ANKAR: variants seen among roughly 807,000 people sequenced by gnomAD.
The protein encoded by ANKAR is ankyrin and armadillo repeat-containing protein.
In ANKAR, 136 loss-of-function variants were observed where a neutral mutation model predicts 146.2. That is an observed-to-expected ratio of 0.93 (90% CI 0.81 to 1.07). ANKAR has a LOEUF of 1.07. Among genes scored for constraint, ANKAR ranks in the 50% least tolerant of loss-of-function variants. The pLI is 0.00. For missense variants in ANKAR, 1,567 were observed against 1,679.9 expected (o/e 0.93, Z 1.18); for synonymous variants, 500 against 575.8 (o/e 0.87, Z 1.88).
chr2:189,704,886 AT>A (rs952162997), intron 7 of ANKAR, 136 bp from the exon 8 acceptor site: 213 of 685,164 alleles, frequency 3.1e-4, no homozygotes, highest in South Asian at 7.0e-4. Flanking sequence ...GGTTGTCTAA[AT>A]TTTTTTTTAA....
chr2:189,677,093 T>G lies in ANKAR; in HGVS notation c.601+2T>G. ...TTTTTTCAGAGTTTAGTTCAGCAGG[T>G]AAGAGAATTTAACACTTCTTAAATT... On this transcript the variant is annotated splice_donor_variant, in intron 2 of 22. Transcript: ENST00000684021. LOFTEE classifies it high-confidence loss of function. 3 of 1,506,644 alleles carry G rather than the reference T, an allele frequency of 2.0e-6. No individual in the cohort carries two copies. Among genetic ancestry groups the G allele is most frequent in the Non-Finnish European group, 2.6e-6 (3 of 1,136,728 alleles). 93.3% of individuals were successfully genotyped at this position (1,506,644 alleles called of 1,614,324 possible).
chr2:189,695,220 G>A (rs1490840707), intron 6 of ANKAR, 59 bp downstream of exon 6: 5 of 1,375,126 alleles, frequency 3.6e-6, no homozygotes, highest in Admixed American at 2.2e-5. Flanking sequence ...TGATAAGTAT[G>A]TGTCTCAAAC....
chr2:189,721,230 C>T (rs1474374422), intron 12 of ANKAR, among the ~76,000 whole-genome samples: 1 of 152,118 alleles, frequency 6.6e-6, no homozygotes, highest in African/African-American at 2.4e-5. Context: ...TTGTGATCTA[C>T]CCGACTCAGC....
chr2:189,685,789 C>T (rs2035500112), intron 2 of ANKAR, among the ~76,000 whole-genome samples: 1 of 152,144 alleles, frequency 6.6e-6, no homozygotes, highest in Admixed American at 6.5e-5. Context: ...CTGTGGATAT[C>T]TTGGTTCAGC....
chr2:189,693,089 A>G lies in ANKAR; in HGVS notation c.1219A>G (p.Ile407Val). The G allele has an allele frequency of 6.6e-7, 1 of 1,523,148 alleles. No homozygotes were observed. Among genetic ancestry groups the G allele is most frequent in the East Asian group, 2.3e-5 (1 of 43,790 alleles). The allele number at this position is 1,523,148 out of a possible 1,614,324, so 94.4% of individuals were successfully genotyped here. A position where few individuals can be genotyped will look rare whatever the true frequency, so the allele number is the denominator to read the frequency against. ...LEDFQKNLEK[I>V]RDCAANTFIE... ...CATATTTTAGAAAAATTTAGAAAAAATACGAGATTGTGCTGCTAATACATT... is the reference window on the plus strand; with the variant it reads ...CATATTTTAGAAAAATTTAGAAAAAGTACGAGATTGTGCTGCTAATACATT... The change falls in exon 5 of 23, where the codon ATA (isoleucine) becomes GTA (valine). Residue 407 changes from isoleucine (I) to valine (V), a missense_variant. Coordinates refer to ENST00000684021, the MANE Select transcript of ANKAR (RefSeq NM_001378068.1).
intron 22 of ANKAR, 74 bp from the exon 23 acceptor site, chr2:189,746,306 C>G: frequency 7.0e-7 from 1 of 1,438,266 alleles, no homozygotes; most frequent in Non-Finnish European, 9.4e-7. Context: ...GAAAATAGAA[C>G]TACATAGAAG....
intron 7 of ANKAR, among the ~76,000 whole-genome samples, chr2:189,704,544 C>CACATATATATAT (rs2038573774): frequency 2.7e-5 from 1 of 36,456 alleles, no homozygotes; most frequent in East Asian, 8.7e-4. Flanking sequence ...CCTTTGTTAA[C>CACATATATATAT]ATATATATAT....
At chr2:189,699,640 C>T (rs561008920) in intron 7 of ANKAR, among the ~76,000 whole-genome samples, 1 of 152,028 alleles carries the variant, frequency 6.6e-6, no homozygotes. Context: ...TATATTCAAA[C>T]CCTTTGTTGA....
intron 18 of ANKAR, chr2:189,754,427 A>C (rs1314254019): frequency 7.7e-7 from 1 of 1,300,400 alleles, no homozygotes. Context: ...ATTGAAAATT[A>C]CTAACAAAAC....
At chr2:189,762,224 T>G (rs1449631892), downstream of ANKAR, among the ~76,000 whole-genome samples, 1 of 152,226 alleles carries the variant, frequency 6.6e-6, no homozygotes, top group Non-Finnish European at 1.5e-5. Flanking sequence ...ACAGGTTTTG[T>G]CATAACAAGG....
intron 15 of ANKAR, 135 bp from the exon 16 acceptor site, chr2:189,730,360 T>C: frequency 2.3e-6 from 1 of 427,452 alleles, no homozygotes; most frequent in Non-Finnish European, 4.2e-6. Flanking sequence ...ATAGTGTCAA[T>C]ATAGCATACC....
Position 189,728,039 on chromosome 2 carries a change from T to G in ANKAR, c.2819T>G (p.Leu940Arg). 6.2e-7 allele frequency: 1 copy of G among 1,613,872 alleles called. No homozygotes were observed. The highest frequency in any genetic ancestry group is 1.3e-5 in the African/African-American group (1 of 75,048). ...AVESLASHNA[L>R]IQKAFLEKSL... ...GAATCACTGGCAAGTCACAACGCTC[T>G]TATACAGAAAGCATTTCTGGAAAAA... The change falls in exon 13 of 23, where the codon CTT becomes CGT. Residue 940 changes from leucine (L) to arginine (R), a missense_variant. Physicochemically the swap from Leu to Arg is moderately radical, Grantham distance 102. Coordinates refer to ENST00000684021, the MANE Select transcript of ANKAR (RefSeq NM_001378068.1).
chr2:189,736,795 A>G (rs1225098), intron 17 of ANKAR, among the ~76,000 whole-genome samples: 149,232 of 152,068 alleles, frequency 0.98, 73,283 homozygotes, highest in South Asian at 1. Flanking sequence ...ATTCAGGGCC[A>G]GGTGTGGTGG....
At chr2:189,755,164 CTTAA>C in intron 18 of ANKAR, 1 of 1,592,528 alleles carries the variant, frequency 6.3e-7, no homozygotes, top group Non-Finnish European at 8.5e-7. Flanking sequence ...GAAATTAATT[CTTAA>C]TTACCTTGTC....
At position 189,684,652 on chromosome 2, in the gene ANKAR, C is replaced by G. The variant is rs969642080; in HGVS notation, c.602-4875C>G. The stretch of plus-strand genomic sequence containing the variant: ...GGTGGTTCGCTTTAGCTCAGGAGTT[C>G]GAGACCAGGCTCTACAAAATATACA... On this transcript the variant is annotated intron_variant, in intron 2 of 22. Transcript: ENST00000684021. Among the ~76,000 whole-genome samples, 7 of 151,690 alleles carry G rather than the reference C, an allele frequency of 4.6e-5. No individual in the cohort carries two copies. In the South Asian group the frequency reaches 6.2e-4, roughly 14 times the overall value.
chr2:189,754,274 A>G lies in ANKAR; in HGVS notation c.*585-6824A>G, dbSNP rs202123529. On this transcript the variant is annotated intron_variant and NMD_transcript_variant, in intron 18 of 18. Transcript: ENST00000441800. ...GAAATCTATTTCCTTGTTTGGCCAA[A>G]TGTTCTATGGCTTTCCCACCACTCA... 317 of 1,613,828 alleles carry G rather than the reference A, an allele frequency of 2.0e-4. 2 individuals are homozygous for G. In the African/African-American group the frequency reaches 3.3e-3, roughly 17 times the overall value.
intron 12 of ANKAR, among the ~76,000 whole-genome samples, chr2:189,726,836 C>G (rs1028584996): frequency 1.3e-5 from 2 of 151,866 alleles, no homozygotes; most frequent in African/African-American, 4.8e-5. Flanking sequence ...GATGTATGCA[C>G]GCAACATACC....
chr2:189,705,240 T>C lies in ANKAR; in HGVS notation c.1910+16T>C, dbSNP rs1201202315. 1 of 1,611,774 alleles carries C rather than the reference T, an allele frequency of 6.2e-7. No homozygotes were observed. The highest frequency in any genetic ancestry group is 8.5e-7 in the Non-Finnish European group (1 of 1,178,300). On this transcript the variant is annotated intron_variant, in intron 8 of 22. Coordinates refer to ENST00000684021, the MANE Select transcript of ANKAR (RefSeq NM_001378068.1). ...CAACAGCTGAGTAAGTCATTAAGCA[T>C]TTATATCAGGTTGAGGTTGATGTCT... is the stretch of plus-strand genomic sequence containing the variant.
downstream of ANKAR, chr2:189,750,417 T>C (rs1045603694): frequency 4.8e-5 from 24 of 494,922 alleles, no homozygotes; most frequent in African/African-American, 3.7e-4. Flanking sequence ...TAACACATTA[T>C]AGTATCTCAG....
Sources: allele counts gnomAD v4.1 joint callset (sites outside exome capture counted in the v4.1 genomes callset), GRCh38; gene constraint gnomAD v4.1.1; transcripts MANE v1.5; gene names NCBI Gene and HGNC (gene_info 2026-07-23, HGNC 2026-07-21).